CSGALNACT1: variants seen among roughly 807,000 people sequenced by gnomAD.
CSGALNACT1 encodes the protein beta4GalNAcT-1.
A neutral mutation model predicts 51.0 loss-of-function variants in CSGALNACT1; 52 were observed. The observed-to-expected ratio is 1.02, with a 90% CI of 0.82 to 1.29. The LOEUF (loss-of-function observed/expected upper bound fraction) is 1.29. Ranked by LOEUF, CSGALNACT1 falls within the 50% of genes most tolerant of loss-of-function variation. The pLI, the probability that CSGALNACT1 is intolerant of heterozygous loss-of-function variation, is 0.00. For missense variants in CSGALNACT1, 935 were observed against 679.2 expected, an observed-to-expected ratio of 1.38 and a Z score of -4.19; for synonymous variants, 341 against 254.4, an observed-to-expected ratio of 1.34 and a Z score of -3.24.
At chr8:19,462,349 T>C (rs2065746405) in intron 4 of CSGALNACT1, among the ~76,000 whole-genome samples, 1 of 151,896 alleles carries the variant, frequency 6.6e-6, no homozygotes, top group African/African-American at 2.4e-5. Context: ...GGAATGATTT[T>C]TTTTTCCCAA....
chr8:19,460,563 C>T (rs2065138079), intron 4 of CSGALNACT1, among the ~76,000 whole-genome samples: 1 of 152,154 alleles, frequency 6.6e-6, no homozygotes, highest in African/African-American at 2.4e-5. Flanking sequence ...AAGAATGCAC[C>T]TCCCAGTCAC....
intron 6 of CSGALNACT1, among the ~76,000 whole-genome samples, chr8:19,438,107 G>A (rs2060678181): frequency 1.3e-5 from 2 of 148,388 alleles, no homozygotes; most frequent in South Asian, 4.3e-4. Context: ...CTGGAAATCT[G>A]CCATACCCAT....
chr8:19,720,203 A>G (rs2063040688), intron 1 of CSGALNACT1, among the ~76,000 whole-genome samples: 1 of 152,212 alleles, frequency 6.6e-6, no homozygotes, highest in Non-Finnish European at 1.5e-5. Context: ...CCCGCAATTC[A>G]TGCCAGCATT....
At chr8:19,607,313 A>G (rs185397733), upstream of CSGALNACT1, among the ~76,000 whole-genome samples, 7 of 152,320 alleles carry the variant, frequency 4.6e-5, no homozygotes, top group Non-Finnish European at 1.5e-5. Context: ...ATAAGCTATT[A>G]TAGCATAAAA....
chr8:19,418,172 CG>C (rs2057258257), intron 8 of CSGALNACT1, among the ~76,000 whole-genome samples: 1 of 152,156 alleles, frequency 6.6e-6, no homozygotes, highest in Admixed American at 6.5e-5. Flanking sequence ...GGTGGCATGA[CG>C]GGAAGGGCAC....
At chr8:19,444,101 T>C (rs984011855) in intron 5 of CSGALNACT1, among the ~76,000 whole-genome samples, 1 of 152,224 alleles carries the variant, frequency 6.6e-6, no homozygotes, top group Admixed American at 6.5e-5. Flanking sequence ...TCCTGCTGTG[T>C]GGCCTAGTTC....
At chr8:19,489,043 T>G (rs1000686464) in intron 4 of CSGALNACT1, among the ~76,000 whole-genome samples, 3 of 152,166 alleles carry the variant, frequency 2.0e-5, no homozygotes, top group African/African-American at 7.2e-5. Context: ...ATGTATCTCC[T>G]ACAGGTAGAA....
chr8:19,493,907 T>C (rs1356043502), intron 4 of CSGALNACT1, among the ~76,000 whole-genome samples: 1 of 148,368 alleles, frequency 6.7e-6, no homozygotes, highest in South Asian at 2.2e-4. Context: ...CACACACACA[T>C]CTAGGAGTGG....
chr8:19,525,644 A>AAAAAAAAC (rs1237199423), intron 3 of CSGALNACT1, among the ~76,000 whole-genome samples: 1 of 148,880 alleles, frequency 6.7e-6, no homozygotes, highest in African/African-American at 2.5e-5. Context: ...AAAAAAAAAA[A>AAAAAAAAC]AAAAAGTAGA....
chr8:19,549,184 C>G (rs2087266420), intron 3 of CSGALNACT1, among the ~76,000 whole-genome samples: 1 of 151,812 alleles, frequency 6.6e-6, no homozygotes, highest in Non-Finnish European at 1.5e-5. Flanking sequence ...AGTTCTCTTA[C>G]TTTTTCAACA....
chr8:19,546,316 T>C (rs1316242241), intron 3 of CSGALNACT1, among the ~76,000 whole-genome samples: 1 of 152,182 alleles, frequency 6.6e-6, no homozygotes, highest in African/African-American at 2.4e-5. Context: ...GCTTCAATAT[T>C]ACGGCTTTTA....
chr8:19,593,678 G>A (rs2048308451), intron 2 of CSGALNACT1, among the ~76,000 whole-genome samples: 1 of 152,214 alleles, frequency 6.6e-6, no homozygotes, highest in South Asian at 2.1e-4. Flanking sequence ...AATCAAATGA[G>A]CTGAAGACTC....
intron 1 of CSGALNACT1, among the ~76,000 whole-genome samples, chr8:19,708,744 G>A (rs2062329743): frequency 1.3e-5 from 2 of 152,104 alleles, no homozygotes; most frequent in South Asian, 2.1e-4. Flanking sequence ...CACTCCCCGG[G>A]ACTGTTTAAA....
At chr8:19,487,807 A>T (rs2073349102) in intron 4 of CSGALNACT1, among the ~76,000 whole-genome samples, 1 of 152,162 alleles carries the variant, frequency 6.6e-6, no homozygotes, top group Admixed American at 6.5e-5. Flanking sequence ...TCATGAAATC[A>T]TTGAGCTCTC....
chr8:19,427,426 G>A (rs1218803987), intron 6 of CSGALNACT1, among the ~76,000 whole-genome samples: 2 of 152,180 alleles, frequency 1.3e-5, no homozygotes, highest in Non-Finnish European at 2.9e-5. Context: ...CAAATTTGCC[G>A]ATGCACAGGA....
intron 5 of CSGALNACT1, among the ~76,000 whole-genome samples, chr8:19,453,959 C>T (rs749517730): frequency 2.0e-5 from 3 of 152,012 alleles, no homozygotes; most frequent in Non-Finnish European, 4.4e-5. Flanking sequence ...ACAATAGAAG[C>T]TGAGATGAGA....
chr8:19,503,216 T>A (rs981757694), intron 4 of CSGALNACT1, among the ~76,000 whole-genome samples: 1 of 152,232 alleles, frequency 6.6e-6, no homozygotes, highest in East Asian at 1.9e-4. Flanking sequence ...GACTAGACTT[T>A]CACCAAATAT....
intron 3 of CSGALNACT1, among the ~76,000 whole-genome samples, chr8:19,508,491 C>A (rs2077801105): frequency 6.6e-6 from 1 of 152,170 alleles, no homozygotes; most frequent in African/African-American, 2.4e-5. Context: ...TGATGAAAAT[C>A]TTGGGATTTA....
chr8:19,611,671 A>G (rs2052284446), intron 1 of CSGALNACT1, among the ~76,000 whole-genome samples: 1 of 152,186 alleles, frequency 6.6e-6, no homozygotes, highest in Admixed American at 6.5e-5. Context: ...TTCTTCATGA[A>G]CAGGATCCTG....
Sources: allele counts gnomAD v4.1 joint callset (sites outside exome capture counted in the v4.1 genomes callset), GRCh38; gene constraint gnomAD v4.1.1; transcripts MANE v1.5; gene names NCBI Gene and HGNC (gene_info 2026-07-23, HGNC 2026-07-21).